ZNF674: variants seen among roughly 807,000 people sequenced by gnomAD.
The protein encoded by ZNF674 is zinc finger protein 674.
In ZNF674, 2 loss-of-function variants were observed where a neutral mutation model predicts 7.0. The ratio of observed to expected loss-of-function variants is 0.29; its 90% CI spans 0.12 to 0.90. The LOEUF is 0.90. ZNF674 is among the 40% of genes least tolerant of loss of function. ZNF674 has a pLI of 0.57. For synonymous variants in ZNF674, 103 were observed against 145.2 expected, an observed-to-expected ratio of 0.71 and a Z score of 2.09; for missense variants, 297 against 415.5, an observed-to-expected ratio of 0.71 and a Z score of 2.48.
In ZNF674 at chrX:46,519,259, T is replaced by TAA. The variant is rs758684566; in HGVS notation, c.238+9090_238+9091insTT. 8.7e-3 allele frequency among the ~76,000 whole-genome samples: 629 copies of TAA among 72,690 alleles called. 1 individual carries two copies. Among genetic ancestry groups the TAA allele is most frequent in the East Asian group, 0.011 (29 of 2,537 alleles). 63.1% of individuals were successfully genotyped at this position (72,690 alleles called of 115,157 possible). On this transcript the variant is annotated intron_variant, in intron 5 of 5. Transcript: ENST00000683375. ...ATAGATAGATAGATAGATAGATAGA[T>TAA]AGATAAAGATAGATGATAGATAGAT... is the stretch of plus-strand genomic sequence containing the variant.
chrX:46,506,957 G>C (rs1167836069), intron 5 of ZNF674, among the ~76,000 whole-genome samples: 1 of 111,617 alleles, frequency 9.0e-6, no homozygotes, highest in Non-Finnish European at 1.9e-5. Context: ...GAAAAACTCA[G>C]GGATATGACA....
At chrX:46,533,832 ATAT>A (rs1942156970) in intron 3 of ZNF674, among the ~76,000 whole-genome samples, 4 of 50,166 alleles carry the variant, frequency 8.0e-5, no homozygotes, top group African/African-American at 2.3e-4. Flanking sequence ...AAAAAAAAAT[ATAT>A]ATATATATAT....
At chrX:46,517,310 G>A (rs1941784726) in intron 5 of ZNF674, among the ~76,000 whole-genome samples, 1 of 105,797 alleles carries the variant, frequency 9.5e-6, no homozygotes. Flanking sequence ...AAAATGATTG[G>A]AAAAAAAAAC....
At chrX:46,531,933 G>A (rs1362088728) in intron 3 of ZNF674, among the ~76,000 whole-genome samples, 2 of 112,122 alleles carry the variant, frequency 1.8e-5, no homozygotes, top group Non-Finnish European at 3.8e-5. Flanking sequence ...TTGGGAAGCC[G>A]AGGCAGGCGA....
rs767201974 is a variant in ZNF674 at position 46,520,396 on chromosome X, C to G, written c.238+7954G>C. Among the ~76,000 whole-genome samples, 6 of 110,666 alleles carry G rather than the reference C, an allele frequency of 5.4e-5. 1 individual carries two copies. The Admixed American group carries it at 5.9e-4, about 11-fold the overall frequency. On this transcript the variant is annotated intron_variant, in intron 5 of 5. Transcript: ENST00000683375. ...CCTGGGCCACAGAGCGAGAATCCAT[C>G]TCAAAAATAAATAAATAAATAATAA... is the stretch of plus-strand genomic sequence containing the variant.
At chrX:46,505,335 AGAGT>A (rs1243874223) in intron 5 of ZNF674, among the ~76,000 whole-genome samples, 1 of 112,574 alleles carries the variant, frequency 8.9e-6, no homozygotes, top group Non-Finnish European at 1.9e-5. Flanking sequence ...CTGAAATGAC[AGAGT>A]GAGAGGAAGG....
rs1941375781 is a variant in ZNF674 at position 46,499,639 on chromosome X, G to GA, written c.*203dup. 3.1e-6 allele frequency: 1 copy of GA among 324,300 alleles called. No homozygotes were observed. 26.7% of individuals were successfully genotyped at this position (324,300 alleles called of 1,213,427 possible). A position where few individuals can be genotyped will look rare whatever the true frequency, so the allele number is the denominator to read the frequency against. ...CACTCCTGGGTGAAGAATTCTGGGT[G>GA]AAAAAACTGATCACATTTATTGACA... is the stretch of plus-strand genomic sequence containing the variant. On this transcript the variant is annotated 3_prime_UTR_variant, in exon 6 of 6. Coordinates refer to ENST00000683375, the MANE Select transcript of ZNF674 (RefSeq NM_001190417.2).
intron 3 of ZNF674, among the ~76,000 whole-genome samples, chrX:46,539,151 C>A (rs1942249573): frequency 8.9e-6 from 1 of 112,163 alleles, no homozygotes; most frequent in African/African-American, 3.2e-5. Flanking sequence ...TGCCACCATA[C>A]TGTAGCCTGG....
chrX:46,526,842 G>A (rs983316892), intron 5 of ZNF674, among the ~76,000 whole-genome samples: 7 of 111,266 alleles, frequency 6.3e-5, no homozygotes, highest in Non-Finnish European at 9.4e-5. Context: ...GGATACAAAA[G>A]GCATGAACCA....
At chrX:46,541,373 A>AG in intron 3 of ZNF674, among the ~76,000 whole-genome samples, 1 of 110,551 alleles carries the variant, frequency 9.0e-6, no homozygotes, top group South Asian at 3.7e-4. Flanking sequence ...AAAAAAAAAA[A>AG]AAAAGAAAAA....
At chrX:46,506,570 G>C (rs964211212) in intron 5 of ZNF674, among the ~76,000 whole-genome samples, 2 of 111,728 alleles carry the variant, frequency 1.8e-5, no homozygotes, top group African/African-American at 6.5e-5. Context: ...ATTATATCAA[G>C]TATCAATAAT....
At chrX:46,534,245 T>C (rs1247571962) in intron 3 of ZNF674, among the ~76,000 whole-genome samples, 2 of 110,822 alleles carry the variant, frequency 1.8e-5, no homozygotes, top group Non-Finnish European at 3.8e-5. Flanking sequence ...AGATGAGATT[T>C]TGGGTGGGGA....
intron 5 of ZNF674, among the ~76,000 whole-genome samples, chrX:46,526,389 C>T (rs1942011101): frequency 9.0e-6 from 1 of 111,148 alleles, no homozygotes. Context: ...AGCAATCCTC[C>T]CACCTCAACC....
intron 5 of ZNF674, among the ~76,000 whole-genome samples, chrX:46,515,553 A>G (rs1051895899): frequency 9.0e-6 from 1 of 111,685 alleles, no homozygotes; most frequent in East Asian, 2.8e-4. Context: ...TGATCTTATT[A>G]TCTTGATTGT....
At chrX:46,543,421 C>T (rs1461656958) in intron 2 of ZNF674, among the ~76,000 whole-genome samples, 1 of 112,048 alleles carries the variant, frequency 8.9e-6, no homozygotes, top group African/African-American at 3.2e-5. Context: ...TGAAAAGACA[C>T]TCTCCAAGTG....
intron 3 of ZNF674, among the ~76,000 whole-genome samples, chrX:46,531,894 C>G (rs1486254398): frequency 9.0e-6 from 1 of 111,565 alleles, no homozygotes; most frequent in Non-Finnish European, 1.9e-5. Context: ...TGGCCAGGCG[C>G]GGTGGCTCAC....
At chrX:46,521,901 A>AAGAAT (rs1488406481) in intron 5 of ZNF674, among the ~76,000 whole-genome samples, 1 of 93,926 alleles carries the variant, frequency 1.1e-5, no homozygotes, top group Middle Eastern at 6.2e-3. Flanking sequence ...AAAAAAAGAA[A>AAGAAT]AGAATAGAAT....
chrX:46,543,730 C>T lies in ZNF674; in HGVS notation c.-30+771G>A, dbSNP rs1316602013. ...GCAAGGAGATTCTGTGCAGAGTAACCATTTCATACTGCAGCAATCACTGTG... is the reference window on the plus strand; with the variant it reads ...GCAAGGAGATTCTGTGCAGAGTAACTATTTCATACTGCAGCAATCACTGTG... On this transcript the variant is annotated intron_variant, in intron 2 of 5. Transcript: ENST00000683375. Among the ~76,000 whole-genome samples the T allele has an allele frequency of 4.5e-5, 5 of 112,110 alleles. No individual in the cohort carries two copies. The East Asian group carries it at 1.4e-3, about 31-fold the overall frequency.
intron 5 of ZNF674, among the ~76,000 whole-genome samples, chrX:46,505,031 A>C (rs896923646): frequency 9.1e-6 from 1 of 110,211 alleles, no homozygotes; most frequent in African/African-American, 3.3e-5. Flanking sequence ...CTGGGATTAC[A>C]GGTGCACACC....
Sources: allele counts gnomAD v4.1 joint callset (sites outside exome capture counted in the v4.1 genomes callset), GRCh38; gene constraint gnomAD v4.1.1; transcripts MANE v1.5; gene names NCBI Gene and HGNC (gene_info 2026-07-23, HGNC 2026-07-21).